Variants in GSE1 observed in about 807,000 individuals in gnomAD.
GSE1 encodes Gse1 coiled-coil protein, also known as genetic suppressor element 1.
Under a neutral mutation model 112.6 loss-of-function variants are expected in GSE1, and 32 were observed. The ratio of observed to expected loss-of-function variants is 0.28; its 90% CI spans 0.21 to 0.38. GSE1 has a LOEUF of 0.38. Ranked by LOEUF, GSE1 falls within the 10% of genes least tolerant of loss-of-function variation. GSE1 has a pLI of 1.00. For synonymous variants in GSE1, 1,115 were observed against 735.6 expected, an observed-to-expected ratio of 1.52 and a Z score of -8.35; for missense variants, 2,348 against 1,699.2, an observed-to-expected ratio of 1.38 and a Z score of -6.71.
intron 2 of GSE1, among the ~76,000 whole-genome samples, chr16:85,381,531 G>A (rs1470021089): frequency 2.6e-5 from 4 of 152,178 alleles, no homozygotes; most frequent in African/African-American, 4.8e-5. Context: ...AAGCACATAC[G>A]TAGCTCTTGT....
rs548715420 is a variant in GSE1 at position 85,569,973 on chromosome 16, CGGA to C, written c.37+13617_37+13619del. Among the ~76,000 whole-genome samples the C allele has an allele frequency of 3.0e-3, 461 of 152,278 alleles. 2 individuals are homozygous for C. The highest frequency in any genetic ancestry group is 0.011 in the African/African-American group (446 of 41,552). The stretch of plus-strand genomic sequence containing the variant: ...TGGGGGTTTCAATCCCCGCCTCTGT[CGGA>C]GGAGGACAGAGAAAAGTGAGGTTTC... On this transcript the variant is annotated intron_variant, in intron 1 of 2. Transcript: ENST00000635906.
chr16:85,541,030 A>C (rs1212937129), intron 2 of GSE1, among the ~76,000 whole-genome samples: 4 of 151,988 alleles, frequency 2.6e-5, no homozygotes, highest in African/African-American at 9.7e-5. Flanking sequence ...GTAGGGGCAG[A>C]GACAGAGCCT....
At chr16:85,658,329 G>T (rs910734411) in intron 8 of GSE1, among the ~76,000 whole-genome samples, 1 of 152,190 alleles carries the variant, frequency 6.6e-6, no homozygotes, top group African/African-American at 2.4e-5. Context: ...GCCTTCCATA[G>T]CTCTGCTCCA....
upstream of GSE1, among the ~76,000 whole-genome samples, chr16:85,553,726 G>A (rs2045054250): frequency 6.6e-6 from 1 of 152,156 alleles, no homozygotes; most frequent in Non-Finnish European, 1.5e-5. Flanking sequence ...TTTTTCTGGC[G>A]GGGTAGGCGA....
intron 1 of GSE1, among the ~76,000 whole-genome samples, chr16:85,581,762 A>G (rs2046458184): frequency 6.6e-6 from 1 of 152,012 alleles, no homozygotes; most frequent in Admixed American, 6.5e-5. Flanking sequence ...CCCTTCCTTG[A>G]GAGGAGGGCT....
At chr16:85,264,770 C>G (rs918763078) in intron 1 of GSE1, among the ~76,000 whole-genome samples, 17 of 152,100 alleles carry the variant, frequency 1.1e-4, no homozygotes, top group Non-Finnish European at 4.4e-5. Context: ...TGGCCCGTCC[C>G]CTGTGGAGAC....
intron 1 of GSE1, among the ~76,000 whole-genome samples, chr16:85,220,612 C>T (rs1217752553): frequency 2.8e-5 from 4 of 143,384 alleles, no homozygotes; most frequent in Non-Finnish European, 6.2e-5. Flanking sequence ...GCGGGCTTCT[C>T]GGGCCTGCCC....
chr16:85,176,823 A>G (rs79137842), intron 1 of GSE1, among the ~76,000 whole-genome samples: 2,272 of 152,324 alleles, frequency 0.015, 58 homozygotes, highest in African/African-American at 0.052. Context: ...CCCACCCATC[A>G]GGCCACGTGC....
chr16:85,298,176 CTG>C (rs2045419966), intron 1 of GSE1, among the ~76,000 whole-genome samples: 1 of 152,202 alleles, frequency 6.6e-6, no homozygotes, highest in South Asian at 2.1e-4. Context: ...GCCTGGGACT[CTG>C]TATTTCTGAT....
intron 1 of GSE1, among the ~76,000 whole-genome samples, chr16:85,598,779 G>T (rs2047342871): frequency 6.6e-6 from 1 of 152,246 alleles, no homozygotes; most frequent in African/African-American, 2.4e-5. Flanking sequence ...TCTTCCAAAA[G>T]TTCTGTCCAG....
Position 85,665,100 on chromosome 16 carries a change from G to T in GSE1, c.2730G>T (p.Pro910=), listed in dbSNP as rs768882973. 1.5e-5 allele frequency: 24 copies of T among 1,609,462 alleles called. 1 individual carries two copies. The highest frequency in any genetic ancestry group is 1.2e-4 in the South Asian group (11 of 91,000). Residue 910 remains proline (P), a synonymous_variant, in exon 12 of 16, where the codon CCG becomes CCT. Transcript: ENST00000253458. The part of the protein sequence containing the change: ...AAVADSLTNS[P]RDSPAVSLSE... ...TGGCCGACTCCTTGACAAACTCTCC[G>T]AGGGACAGTCCTGCCGTCTCCCTGA...
At chr16:85,511,764 C>A (rs1215428467) in intron 2 of GSE1, among the ~76,000 whole-genome samples, 2 of 152,096 alleles carry the variant, frequency 1.3e-5, no homozygotes, top group African/African-American at 4.8e-5. Context: ...AGCCACAAGC[C>A]AAGGAACACC....
exon 1 of GSE1, chr16:85,170,391 A>G: frequency 1.0e-6 from 1 of 985,534 alleles, no homozygotes; most frequent in Non-Finnish European, 1.2e-6. Flanking sequence ...AGGCCCCTGC[A>G]GACGGCATGA....
intron 3 of GSE1, among the ~76,000 whole-genome samples, chr16:85,653,965 C>T (rs2051672964): frequency 6.6e-6 from 1 of 152,246 alleles, no homozygotes; most frequent in Middle Eastern, 3.4e-3. Flanking sequence ...CCCCTGCCAC[C>T]CTGCATCCTT....
At chr16:85,639,857 G>T (rs1009880471) in intron 2 of GSE1, among the ~76,000 whole-genome samples, 1 of 152,226 alleles carries the variant, frequency 6.6e-6, no homozygotes, top group South Asian at 2.1e-4. Context: ...CCGCAGGGAC[G>T]CAGCGCCCGT....
chr16:85,491,784 G>A (rs78300624), intron 2 of GSE1, among the ~76,000 whole-genome samples: 33 of 152,300 alleles, frequency 2.2e-4, no homozygotes, highest in South Asian at 6.2e-4. Context: ...GGGGCAGAGT[G>A]GGGGTGACAC....
intron 3 of GSE1, among the ~76,000 whole-genome samples, chr16:85,649,362 A>G (rs1333976785): frequency 6.6e-6 from 1 of 152,226 alleles, no homozygotes; most frequent in East Asian, 1.9e-4. Context: ...TGTGACTGTC[A>G]TAGTCTGTGA....
At chr16:85,471,223 G>C (rs1305525079) in intron 2 of GSE1, among the ~76,000 whole-genome samples, 1 of 152,320 alleles carries the variant, frequency 6.6e-6, no homozygotes, top group African/African-American at 2.4e-5. Flanking sequence ...CATTTCTGGT[G>C]GGGGCAGGTC....
intron 2 of GSE1, chr16:85,359,487 A>C: frequency 2.2e-6 from 1 of 450,296 alleles, no homozygotes; most frequent in Non-Finnish European, 4.5e-6. Context: ...TGAATGAGTC[A>C]TCCTGAGCCT....
Sources: gnomAD v4.1 joint callset for allele counts (sites outside exome capture counted in the v4.1 genomes callset) on GRCh38, gnomAD v4.1.1 for gene constraint, MANE v1.5 for transcripts, NCBI Gene and HGNC (gene_info 2026-07-23, HGNC 2026-07-21) for gene names.